The following PTPRD variants were observed in gnomAD, a reference collection of about 807,000 sequenced individuals.
PTPRD encodes the protein receptor-type tyrosine-protein phosphatase delta.
In PTPRD, 34 loss-of-function variants were observed where a neutral mutation model predicts 214.5. The ratio of observed to expected loss-of-function variants is 0.16; its 90% confidence interval spans 0.12 to 0.21. PTPRD has a LOEUF of 0.21. Among genes scored for constraint, PTPRD ranks in the 10% least tolerant of loss-of-function variants. The probability of loss-of-function intolerance (pLI) is 1.00; values close to 1 mark genes in which losing one functional copy is unlikely to be tolerated. For missense variants in PTPRD, 2,545 were observed against 2,398.7 expected (o/e 1.06, Z -1.27); for synonymous variants, 1,128 against 845.7 (o/e 1.33, Z -5.79).
chr9:10,580,353 A>T (rs1261800440), intron 2 of PTPRD, among the ~76,000 whole-genome samples: 1 of 152,210 alleles, frequency 6.6e-6, no homozygotes, highest in East Asian at 1.9e-4. Flanking sequence ...TTTGATTTCA[A>T]TCAACAGTAT....
rs142008300 is a variant in PTPRD at position 9,057,101 on chromosome 9, C to A, written c.-142-38366G>T. ...TCTTCATAAACCTTAAATAGCTATA[C>A]AAACATATTAAATAGTTGGCATTAT... On this transcript the variant is annotated intron_variant, in intron 10 of 45. Transcript: ENST00000381196. Among the ~76,000 whole-genome samples, 19 of 152,158 alleles carry A rather than the reference C, an allele frequency of 1.2e-4. 2 individuals are homozygous for A. Among genetic ancestry groups the A allele is most frequent in the Middle Eastern group, 3.4e-3 (1 of 292 alleles).
intron 11 of PTPRD, among the ~76,000 whole-genome samples, chr9:8,977,444 A>C (rs17586734): frequency 6.6e-6 from 1 of 151,926 alleles, no homozygotes; most frequent in Non-Finnish European, 1.5e-5. Context: ...TAGTTAACCT[A>C]TGCCTCATTT....
At chr9:9,603,305 G>A (rs1312138660) in intron 7 of PTPRD, among the ~76,000 whole-genome samples, 1 of 152,052 alleles carries the variant, frequency 6.6e-6, no homozygotes, top group Non-Finnish European at 1.5e-5. Context: ...TCAGACACAT[G>A]GTCAAAAAAA....
chr9:9,354,279 G>C (rs1166362056), intron 9 of PTPRD, among the ~76,000 whole-genome samples: 1 of 151,588 alleles, frequency 6.6e-6, no homozygotes, highest in Non-Finnish European at 1.5e-5. Context: ...GACATGTATG[G>C]GTATATGAAT....
chr9:9,910,248 G>GCAAA (rs1051214749), intron 5 of PTPRD, among the ~76,000 whole-genome samples: 6 of 151,966 alleles, frequency 3.9e-5, no homozygotes, highest in Non-Finnish European at 7.4e-5. Flanking sequence ...AGAGTTTCAT[G>GCAAA]CAAACCCCTG....
intron 35 of PTPRD, among the ~76,000 whole-genome samples, chr9:8,421,830 C>T (rs2094384396): frequency 1.3e-5 from 2 of 149,502 alleles, no homozygotes; most frequent in Admixed American, 1.4e-4. Context: ...ATATAAAGTA[C>T]ATTCACTGAA....
chr9:8,483,580 G>C (rs951916955), intron 30 of PTPRD, among the ~76,000 whole-genome samples: 1 of 152,036 alleles, frequency 6.6e-6, no homozygotes, highest in Non-Finnish European at 1.5e-5. Context: ...GTGAAACCCG[G>C]TCTCTACTAA....
At chr9:8,711,970 A>C (rs1223760015) in intron 12 of PTPRD, among the ~76,000 whole-genome samples, 3 of 152,268 alleles carry the variant, frequency 2.0e-5, no homozygotes, top group Admixed American at 6.5e-5. Flanking sequence ...ATATTGCGGC[A>C]GTGTGAGGGA....
chr9:10,400,069 G>C (rs769265641), intron 2 of PTPRD, among the ~76,000 whole-genome samples: 1 of 151,786 alleles, frequency 6.6e-6, no homozygotes, highest in African/African-American at 2.4e-5. Flanking sequence ...ATTTTATAGA[G>C]CATAACTCCG....
chr9:10,464,116 G>C (rs987058481), intron 2 of PTPRD, among the ~76,000 whole-genome samples: 2 of 151,994 alleles, frequency 1.3e-5, no homozygotes, highest in Non-Finnish European at 2.9e-5. Context: ...AGAAAAATGT[G>C]GCCATGTGCA....
intron 14 of PTPRD, among the ~76,000 whole-genome samples, chr9:8,576,464 C>G (rs529924676): frequency 6.6e-6 from 1 of 152,068 alleles, no homozygotes; most frequent in East Asian, 1.9e-4. Flanking sequence ...TTTCCTAAAG[C>G]TTCACATTTT....
intron 37 of PTPRD, among the ~76,000 whole-genome samples, chr9:8,378,167 G>T (rs540255777): frequency 6.6e-6 from 1 of 152,154 alleles, no homozygotes; most frequent in Admixed American, 6.6e-5. Flanking sequence ...AAGATGTAAA[G>T]AATATTTTGT....
intron 7 of PTPRD, among the ~76,000 whole-genome samples, chr9:9,595,217 C>T (rs142438415): frequency 0.031 from 4,691 of 149,518 alleles, 213 homozygotes; most frequent in African/African-American, 0.1. Context: ...ACCATTTGAT[C>T]CAGCAATCCC....
chr9:9,984,918 G>C (rs1165211796), intron 4 of PTPRD, among the ~76,000 whole-genome samples: 1 of 152,078 alleles, frequency 6.6e-6, no homozygotes, highest in Non-Finnish European at 1.5e-5. Context: ...AAAGGGGAGT[G>C]CCTTCTTCCT....
intron 7 of PTPRD, among the ~76,000 whole-genome samples, chr9:9,647,181 C>G (rs539781360): frequency 1.0e-3 from 153 of 152,214 alleles, no homozygotes; most frequent in Middle Eastern, 3.4e-3. Context: ...CTTTCCCCCC[C>G]CTCTTTCTAG....
rs1421918892 is a variant in PTPRD at position 8,518,134 on chromosome 9, A to C, written c.1257T>G (p.Ser419Arg). The C allele has an allele frequency of 6.2e-7, 1 of 1,614,144 alleles. No individual in the cohort carries two copies. Among genetic ancestry groups the C allele is most frequent in the Non-Finnish European group, 8.5e-7 (1 of 1,180,016 alleles). ...TTCGTGCCTGGACATCCCTCGGGGC[A>C]CTGGATGGTGCTTGCTCTGAGGTTT... ...LTQTSEQAPS[S>R]APRDVQARML... The change falls in exon 21 of 46, where the codon AGT becomes AGG. Residue 419 changes from serine (S) to arginine (R), a missense_variant. Physicochemically the swap from Ser to Arg is moderately radical, Grantham distance 110. Transcript: ENST00000381196.
chr9:8,907,154 C>G (rs976611258), intron 11 of PTPRD, among the ~76,000 whole-genome samples: 2 of 151,248 alleles, frequency 1.3e-5, no homozygotes, highest in African/African-American at 2.4e-5. Context: ...ATAAACACAC[C>G]AAATAAACAA....
intron 10 of PTPRD, among the ~76,000 whole-genome samples, chr9:9,160,969 C>A (rs959684888): frequency 6.6e-6 from 1 of 152,070 alleles, no homozygotes; most frequent in South Asian, 2.1e-4. Flanking sequence ...TACTTATATG[C>A]AGAATCTAAC....
intron 3 of PTPRD, among the ~76,000 whole-genome samples, chr9:10,125,771 C>G (rs1009412695): frequency 6.6e-6 from 1 of 151,770 alleles, no homozygotes; most frequent in Non-Finnish European, 1.5e-5. Context: ...CGTGAGCCAC[C>G]GCACCCATCT....
Sources: gnomAD v4.1 joint callset for allele counts (sites outside exome capture counted in the v4.1 genomes callset) on GRCh38, gnomAD v4.1.1 for gene constraint, MANE v1.5 for transcripts, NCBI Gene and HGNC (gene_info 2026-07-23, HGNC 2026-07-21) for gene names.